The following KCNQ3 variants were observed in gnomAD, a reference collection of about 807,000 sequenced individuals.
KCNQ3 encodes potassium voltage-gated channel subfamily Q member 3.
Under a neutral mutation model 92.5 loss-of-function variants are expected in KCNQ3, and 30 were observed. The observed-to-expected ratio is 0.32, with a 90% CI of 0.24 to 0.44. The LOEUF (loss-of-function observed/expected upper bound fraction) is 0.44, where lower values mean the gene tolerates loss of function less well. Ranked by LOEUF, KCNQ3 falls within the 20% of genes least tolerant of loss-of-function variation. The probability of loss-of-function intolerance (pLI) is 1.00; values close to 1 mark genes in which losing one functional copy is unlikely to be tolerated. For missense variants in KCNQ3, 913 were observed against 1,140.3 expected (o/e 0.80, Z 2.87); for synonymous variants, 450 against 468.8 (o/e 0.96, Z 0.52).
chr8:132,256,143 G>A (rs1815578700), intron 1 of KCNQ3, among the ~76,000 whole-genome samples: 1 of 151,870 alleles, frequency 6.6e-6, no homozygotes, highest in Non-Finnish European at 1.5e-5. Flanking sequence ...TGAAAACAAT[G>A]TCATACCAAA....
At chr8:132,187,868 TGGTGATAGTGATGGTGGC>T (rs1827042376) in intron 1 of KCNQ3, among the ~76,000 whole-genome samples, 1 of 105,534 alleles carries the variant, frequency 9.5e-6, no homozygotes, top group African/African-American at 5.0e-5. Context: ...GTGGTGGTGG[TGGTGATAGTGATGGTGGC>T]GGTGGTGGTG....
intron 12 of KCNQ3, among the ~76,000 whole-genome samples, chr8:132,134,858 T>C (rs1033902927): frequency 2.6e-5 from 4 of 151,966 alleles, no homozygotes; most frequent in African/African-American, 9.7e-5. Context: ...TACAGACAAA[T>C]CCTAGGCTAC....
chr8:132,429,341 A>G (rs555474407), intron 1 of KCNQ3, among the ~76,000 whole-genome samples: 4 of 152,330 alleles, frequency 2.6e-5, no homozygotes, highest in Admixed American at 1.3e-4. Flanking sequence ...AACTGGAGGC[A>G]TCAGTAGCTC....
At chr8:132,440,633 G>A (rs1162636506) in intron 1 of KCNQ3, among the ~76,000 whole-genome samples, 1 of 152,182 alleles carries the variant, frequency 6.6e-6, no homozygotes, top group Non-Finnish European at 1.5e-5. Context: ...CGAAGACAAG[G>A]AAGCAGGAGG....
At chr8:132,215,884 C>G (rs4736557) in intron 1 of KCNQ3, among the ~76,000 whole-genome samples, 42,038 of 152,066 alleles carry the variant, frequency 0.28, 7,039 homozygotes, top group Middle Eastern at 0.39. Flanking sequence ...TAGACTGTGC[C>G]TCTCTCCTTC....
chr8:132,457,337 C>T (rs547922818), intron 1 of KCNQ3, among the ~76,000 whole-genome samples: 1 of 152,206 alleles, frequency 6.6e-6, no homozygotes, highest in East Asian at 1.9e-4. Context: ...ACAGAGACAC[C>T]GAGGTTTCTT....
intron 1 of KCNQ3, among the ~76,000 whole-genome samples, chr8:132,211,688 C>T (rs533034361): frequency 7.9e-4 from 120 of 152,138 alleles, no homozygotes; most frequent in African/African-American, 2.9e-3. Context: ...CATGGTGGCT[C>T]ATGCCTGTAA....
chr8:132,324,631 G>T (rs1026572026), intron 1 of KCNQ3, among the ~76,000 whole-genome samples: 2 of 152,204 alleles, frequency 1.3e-5, no homozygotes, highest in Admixed American at 1.3e-4. Flanking sequence ...GCAACCATTT[G>T]TTGAGCACAT....
At chr8:132,445,205 C>T (rs971805112) in intron 1 of KCNQ3, among the ~76,000 whole-genome samples, 19 of 152,182 alleles carry the variant, frequency 1.2e-4, no homozygotes, top group Non-Finnish European at 5.9e-5. Context: ...TGTGGCATTA[C>T]ATTGTCACAT....
chr8:132,191,355 G>A (rs1319967140), intron 1 of KCNQ3, among the ~76,000 whole-genome samples: 7 of 151,962 alleles, frequency 4.6e-5, no homozygotes, highest in Admixed American at 3.3e-4. Flanking sequence ...ATGGGGTCTC[G>A]TTATGTTGCC....
At chr8:132,231,026 G>A (rs1345303862) in intron 1 of KCNQ3, among the ~76,000 whole-genome samples, 1 of 152,158 alleles carries the variant, frequency 6.6e-6, no homozygotes, top group Admixed American at 6.6e-5. Flanking sequence ...TGGACACAGA[G>A]ACAGACATGC....
intron 12 of KCNQ3, among the ~76,000 whole-genome samples, chr8:132,137,378 C>A (rs1563766720): frequency 6.6e-6 from 1 of 152,070 alleles, no homozygotes; most frequent in Non-Finnish European, 1.5e-5. Flanking sequence ...CACTCTAATG[C>A]AATATCTTGT....
At chr8:132,250,804 G>A (rs1815382506) in intron 1 of KCNQ3, among the ~76,000 whole-genome samples, 1 of 152,032 alleles carries the variant, frequency 6.6e-6, no homozygotes, top group Non-Finnish European at 1.5e-5. Context: ...CTGCCCTTAA[G>A]GTACTCAAAG....
At chr8:132,449,805 G>A (rs934260610) in intron 1 of KCNQ3, among the ~76,000 whole-genome samples, 8 of 152,168 alleles carry the variant, frequency 5.3e-5, no homozygotes, top group African/African-American at 7.2e-5. Context: ...TAGTTTCCAC[G>A]GATGAGCAAG....
intron 14 of KCNQ3, among the ~76,000 whole-genome samples, chr8:132,131,556 A>G (rs1297997066): frequency 2.0e-5 from 3 of 152,238 alleles, no homozygotes; most frequent in East Asian, 1.9e-4. Context: ...GAAATGCTTG[A>G]TAATTGTAGC....
chr8:132,396,940 G>T (rs1398712353), intron 1 of KCNQ3, among the ~76,000 whole-genome samples: 1 of 143,678 alleles, frequency 7.0e-6, no homozygotes, highest in Non-Finnish European at 1.6e-5. Context: ...GATAAAAATT[G>T]TGTGTGTGCG....
At chr8:132,214,540 C>T (rs1427510265) in intron 1 of KCNQ3, among the ~76,000 whole-genome samples, 1 of 152,192 alleles carries the variant, frequency 6.6e-6, no homozygotes, top group Non-Finnish European at 1.5e-5. Flanking sequence ...TTGACATCCT[C>T]TCCTCCCTCC....
chr8:132,396,211 T>C (rs1250426672), intron 1 of KCNQ3, among the ~76,000 whole-genome samples: 1 of 152,180 alleles, frequency 6.6e-6, no homozygotes, highest in Non-Finnish European at 1.5e-5. Context: ...GCCCACTCTT[T>C]GCCCCATTGA....
chr8:132,436,555 T>C (rs1821400238), intron 1 of KCNQ3, among the ~76,000 whole-genome samples: 2 of 152,192 alleles, frequency 1.3e-5, no homozygotes, highest in African/African-American at 2.4e-5. Flanking sequence ...AGACACTAAC[T>C]AGTTTGGGGA....
Sources: allele counts gnomAD v4.1 joint callset (sites outside exome capture counted in the v4.1 genomes callset), GRCh38; gene constraint gnomAD v4.1.1; transcripts MANE v1.5; gene names NCBI Gene and HGNC (gene_info 2026-07-23, HGNC 2026-07-21).